NRIP1: variants seen among roughly 807,000 people sequenced by gnomAD.
NRIP1 encodes nuclear receptor interacting protein 1.
In NRIP1, 28 loss-of-function variants were observed where a neutral mutation model predicts 75.0. The observed-to-expected ratio is 0.37, with a 90% CI of 0.28 to 0.51. The LOEUF (loss-of-function observed/expected upper bound fraction) is 0.51, where lower values mean the gene tolerates loss of function less well. Among genes scored for constraint, NRIP1 ranks in the 20% least tolerant of loss-of-function variants. The probability of loss-of-function intolerance (pLI) is 0.92; values close to 1 mark genes in which losing one functional copy is unlikely to be tolerated. For synonymous variants in NRIP1, 526 were observed against 487.6 expected (o/e 1.08, Z -1.04); for missense variants, 1,435 against 1,343.7 (o/e 1.07, Z -1.06).
chr21:15,049,364 A>G (rs2147356520), intron 1 of NRIP1, among the ~76,000 whole-genome samples: 1 of 152,290 alleles, frequency 6.6e-6, no homozygotes, highest in South Asian at 2.1e-4. Flanking sequence ...CAATAGATTG[A>G]CAGATTAACA....
At chr21:15,032,769 G>C (rs2088736256) in intron 2 of NRIP1, among the ~76,000 whole-genome samples, 2 of 152,190 alleles carry the variant, frequency 1.3e-5, no homozygotes, top group South Asian at 4.1e-4. Context: ...AATGAAGCAG[G>C]AGATGCAGCA....
intron 1 of NRIP1, among the ~76,000 whole-genome samples, chr21:15,048,827 ATGTG>A (rs2089142515): frequency 6.6e-6 from 1 of 152,212 alleles, no homozygotes; most frequent in Non-Finnish European, 1.5e-5. Flanking sequence ...AAAAAGTAGA[ATGTG>A]TGTAATTTAC....
intron 3 of NRIP1, chr21:14,991,426 T>C (rs2147072815): frequency 6.6e-6 from 1 of 152,066 alleles, no homozygotes; most frequent in Non-Finnish European, 1.5e-5. Flanking sequence ...TGCATTTTCC[T>C]GGGCTTCAGT....
intron 3 of NRIP1, among the ~76,000 whole-genome samples, chr21:14,997,770 T>A (rs1042677255): frequency 7.3e-5 from 11 of 150,628 alleles, no homozygotes; most frequent in African/African-American, 2.4e-4. Flanking sequence ...AATTTGTATA[T>A]ACTCCAGGTA....
intron 1 of NRIP1, among the ~76,000 whole-genome samples, chr21:15,053,587 C>T (rs1435890050): frequency 1.3e-5 from 2 of 152,166 alleles, no homozygotes; most frequent in East Asian, 1.9e-4. Context: ...TATAACATAC[C>T]GACTGACACT....
In NRIP1 at chr21:14,979,180, CAG is replaced by C. The variant is rs568048372; in HGVS notation, c.-334-10656_-334-10655del. Reference sequence around the variant, plus strand: ...GAAAAGAGTGTAAATACAAAATTAACAGAGAGTGTTTGCTTCTCACCTTTCTC... The same window carrying C: ...GAAAAGAGTGTAAATACAAAATTAACAGAGTGTTTGCTTCTCACCTTTCTC... On this transcript the variant is annotated intron_variant, in intron 3 of 3. Coordinates refer to ENST00000318948, the MANE Select transcript of NRIP1 (RefSeq NM_003489.4). Among the ~76,000 whole-genome samples the C allele has an allele frequency of 5.9e-5, 9 of 152,250 alleles. No homozygotes were observed. The South Asian group carries it at 1.2e-3, about 21-fold the overall frequency.
At position 14,965,476 on chromosome 21, in the gene NRIP1, T is replaced by C. The variant is rs939561980; in HGVS notation, c.2717A>G (p.Asp906Gly). Residue 906 changes from aspartate (D) to glycine (G), a missense_variant, in exon 4 of 4, where the codon GAT becomes GGT. Transcript: ENST00000318948. ...ACCAGCAGGATATTTAAATTCAAGA[T>C]CATTTCTGCTAAATTTCAGCTCTTC... is the stretch of plus-strand genomic sequence containing the variant. ...NQEELKFSRNDLEFKYPAGHG... is the reference protein window; with the variant it reads ...NQEELKFSRNGLEFKYPAGHG... 3.7e-6 allele frequency: 6 copies of C among 1,613,834 alleles called. No individual in the cohort carries two copies. Among genetic ancestry groups the C allele is most frequent in the Non-Finnish European group, 2.5e-6 (3 of 1,179,948 alleles).
chr21:14,988,263 G>A (rs995457207), intron 3 of NRIP1: 1 of 152,130 alleles, frequency 6.6e-6, no homozygotes, highest in Non-Finnish European at 1.5e-5. Flanking sequence ...ATGTAAAACA[G>A]TATAATATCT....
chr21:15,035,757 T>C (rs2147286351), intron 2 of NRIP1, among the ~76,000 whole-genome samples: 1 of 151,956 alleles, frequency 6.6e-6, no homozygotes, highest in East Asian at 1.9e-4. Flanking sequence ...GAGGTTTCAC[T>C]GTGCTGGCCA....
At chr21:15,003,599 G>A (rs1224686234) in intron 3 of NRIP1, among the ~76,000 whole-genome samples, 2 of 152,096 alleles carry the variant, frequency 1.3e-5, no homozygotes, top group Non-Finnish European at 2.9e-5. Context: ...GCCCCTCCCC[G>A]CTGTCTCAGC....
At chr21:15,058,279 G>T (rs972038426) in intron 1 of NRIP1, among the ~76,000 whole-genome samples, 1 of 152,096 alleles carries the variant, frequency 6.6e-6, no homozygotes, top group Admixed American at 6.5e-5. Context: ...AACCCATTGT[G>T]CAAACAGTCC....
Position 14,964,844 on chromosome 21 carries a change from A to C in NRIP1, c.3349T>G (p.Ser1117Ala), listed in dbSNP as rs751229187. The C allele has an allele frequency of 2.5e-5, 41 of 1,613,432 alleles. No homozygotes were observed. Among genetic ancestry groups the C allele is most frequent in the Middle Eastern group, 3.3e-4 (2 of 6,080 alleles). ...TAAGGGCTTCTTAAATTAAAGAAAG[A>C]AGCTTTCGTTTCTGCAGTAGGAAGT... Reference protein sequence around the residue: ...ELLPTAETKASFFNLRSPYNS... With the variant: ...ELLPTAETKAAFFNLRSPYNS... The change falls in exon 4 of 4, where the codon TCT (serine) becomes GCT (alanine). Residue 1117 changes from serine (S) to alanine (A), a missense_variant. Coordinates refer to ENST00000318948, the MANE Select transcript of NRIP1 (RefSeq NM_003489.4).
rs1177900761 is a variant in NRIP1, at chr21:14,966,500, G to A, written c.1693C>T (p.Pro565Ser). 6.2e-7 allele frequency: 1 copy of A among 1,614,000 alleles called. No homozygotes were observed. Among genetic ancestry groups the A allele is most frequent in the Non-Finnish European group, 8.5e-7 (1 of 1,179,998 alleles). Residue 565 changes from proline (P) to serine (S), a missense_variant, in exon 4 of 4, where the codon CCC becomes TCC. By Grantham distance (74) the Pro-to-Ser change is moderately conservative. Transcript: ENST00000318948. ...AGAGAGTGTTGAGAGAGATTGATGGGAGACCCTGCTTTGCTTGATGTAAGT... is the reference window on the plus strand; with the variant it reads ...AGAGAGTGTTGAGAGAGATTGATGGAAGACCCTGCTTTGCTTGATGTAAGT... ...PLLTSSKAGSPINLSQHSLVI... is the reference protein window; with the variant it reads ...PLLTSSKAGSSINLSQHSLVI...
rs59698376 is a variant in NRIP1, at chr21:14,988,517, G to A, written c.-334-19991C>T. 9.1e-3 allele frequency among the ~76,000 whole-genome samples: 1,291 copies of A among 142,388 alleles called. 22 individuals are homozygous for A. Among genetic ancestry groups the A allele is most frequent in the Admixed American group, 0.041 (570 of 13,896 alleles). 93.4% of individuals were successfully genotyped at this position (142,388 alleles called of 152,430 possible). Reference sequence around the variant, plus strand: ...TATATATATGTGTGTGTGTGTGTGTGTATATATATATATATATCCTGAAAA... The same window carrying A: ...TATATATATGTGTGTGTGTGTGTGTATATATATATATATATATCCTGAAAA... On this transcript the variant is annotated intron_variant, in intron 3 of 3. Coordinates refer to ENST00000318948, the MANE Select transcript of NRIP1 (RefSeq NM_003489.4).
At chr21:15,023,203 G>T (rs1206801956) in intron 2 of NRIP1, among the ~76,000 whole-genome samples, 2 of 152,134 alleles carry the variant, frequency 1.3e-5, no homozygotes, top group Non-Finnish European at 2.9e-5. Context: ...TTAAACAGGT[G>T]AATTTATAGT....
chr21:15,027,564 T>C (rs1177168751), intron 2 of NRIP1, among the ~76,000 whole-genome samples: 1 of 152,204 alleles, frequency 6.6e-6, no homozygotes, highest in African/African-American at 2.4e-5. Flanking sequence ...TAAAAACTTA[T>C]AGCTTGGTCA....
At chr21:15,016,965 AAGAAAGAAAAG>A (rs1487409176) in intron 2 of NRIP1, among the ~76,000 whole-genome samples, 1 of 151,794 alleles carries the variant, frequency 6.6e-6, no homozygotes, top group African/African-American at 2.4e-5. Flanking sequence ...ACAAGAAAGA[AAGAAAGAAAAG>A]AGAAAGAAAG....
chr21:14,971,926 CATTA>C (rs2086911719), intron 3 of NRIP1, among the ~76,000 whole-genome samples: 1 of 152,054 alleles, frequency 6.6e-6, no homozygotes, highest in East Asian at 1.9e-4. Context: ...AGTTATTTTT[CATTA>C]ATTTCTTTGA....
At chr21:15,040,073 T>C (rs1169243754) in intron 2 of NRIP1, among the ~76,000 whole-genome samples, 5 of 152,086 alleles carry the variant, frequency 3.3e-5, no homozygotes, top group Admixed American at 2.6e-4. Context: ...TGTAACTCTA[T>C]AGCTGTGCTG....
Sources: gnomAD v4.1 joint callset for allele counts (sites outside exome capture counted in the v4.1 genomes callset) on GRCh38, gnomAD v4.1.1 for gene constraint, MANE v1.5 for transcripts, NCBI Gene and HGNC (gene_info 2026-07-23, HGNC 2026-07-21) for gene names.